The following GRM8 variants were observed in gnomAD, a reference collection of about 807,000 sequenced individuals.
The protein encoded by GRM8 is metabotropic glutamate receptor 8.
A neutral mutation model predicts 87.2 loss-of-function variants in GRM8; 47 were observed. That is an observed-to-expected ratio of 0.54 (90% CI 0.43 to 0.69). The LOEUF (loss-of-function observed/expected upper bound fraction) is 0.69. Ranked by LOEUF, GRM8 falls within the 30% of genes least tolerant of loss-of-function variation. GRM8 has a pLI of 0.00. For missense variants in GRM8, 1,019 were observed against 1,139.2 expected (o/e 0.89, Z 1.52); for synonymous variants, 396 against 404.5 (o/e 0.98, Z 0.25).
intron 6 of GRM8, among the ~76,000 whole-genome samples, chr7:126,799,175 G>T (rs1237430415): frequency 2.0e-5 from 3 of 152,044 alleles, no homozygotes; most frequent in African/African-American, 7.2e-5. Context: ...TAGAAATGCA[G>T]ATTCTCAGGG....
chr7:127,083,995 T>C (rs1287144393), intron 3 of GRM8, among the ~76,000 whole-genome samples: 3 of 152,200 alleles, frequency 2.0e-5, no homozygotes, highest in Non-Finnish European at 2.9e-5. Context: ...AAGTACTTCA[T>C]ACATGTATTG....
At chr7:126,903,646 G>GTATATGTGTATATATAT (rs1563300321) in intron 5 of GRM8, among the ~76,000 whole-genome samples, 2 of 80,008 alleles carry the variant, frequency 2.5e-5, no homozygotes, top group African/African-American at 1.0e-4. Context: ...TATATATATA[G>GTATATGTGTATATATAT]GTATATGTGT....
intron 3 of GRM8, among the ~76,000 whole-genome samples, chr7:127,053,414 A>T (rs2132511038): frequency 6.6e-6 from 1 of 152,348 alleles, no homozygotes; most frequent in Non-Finnish European, 1.5e-5. Context: ...CATTAATGAG[A>T]TGCAAGCTAG....
rs567737578 is a variant in GRM8 at position 126,842,031 on chromosome 7, T to C, written c.1156+60511A>G. Among the ~76,000 whole-genome samples, 16 of 152,200 alleles carry C rather than the reference T, an allele frequency of 1.1e-4. No individual in the cohort carries two copies. In the South Asian group the frequency reaches 3.3e-3, roughly 32 times the overall value. ...ACCTACATTGGCAGAAAAAGTTAGA[T>C]ATGATCAATAAATTGTTAAACCATT... On this transcript the variant is annotated intron_variant, in intron 6 of 10. Coordinates refer to ENST00000339582, the MANE Select transcript of GRM8 (RefSeq NM_000845.3).
At chr7:126,461,224 T>G (rs2283063) in intron 9 of GRM8, among the ~76,000 whole-genome samples, 1 of 151,140 alleles carries the variant, frequency 6.6e-6, no homozygotes, top group Admixed American at 6.6e-5. Context: ...ATCACCAGTC[T>G]GCTCCCAAAG....
chr7:127,155,256 C>T (rs986716358), intron 2 of GRM8, among the ~76,000 whole-genome samples: 12 of 152,110 alleles, frequency 7.9e-5, no homozygotes, highest in African/African-American at 2.7e-4. Context: ...AGCTGGAGCA[C>T]CGAGCAAGAT....
chr7:126,917,096 C>T (rs905895825), intron 3 of GRM8, among the ~76,000 whole-genome samples: 1 of 152,170 alleles, frequency 6.6e-6, no homozygotes, highest in Non-Finnish European at 1.5e-5. Context: ...CTATCCTGGC[C>T]TCCCAAGTAG....
rs534635078 is a variant in GRM8 at position 127,179,803 on chromosome 7, G to A, written c.510+62892C>T. On this transcript the variant is annotated intron_variant, in intron 2 of 10. Transcript: ENST00000339582. ...AATTAAAAAATTATTCAAACTGAAT[G>A]ACAATAATGATACAACCTATCAAAA... Among the ~76,000 whole-genome samples the A allele has an allele frequency of 3.9e-5, 6 of 152,188 alleles. No homozygotes were observed. The South Asian group carries it at 1.2e-3, about 32-fold the overall frequency.
At chr7:127,088,875 T>C (rs890659165) in intron 3 of GRM8, among the ~76,000 whole-genome samples, 1 of 152,228 alleles carries the variant, frequency 6.6e-6, no homozygotes, top group African/African-American at 2.4e-5. Context: ...GAATAGCACC[T>C]TCCCCAGGCC....
rs1186617181 is a variant in GRM8, at chr7:126,533,212, C to T, written c.2170G>A (p.Asp724Asn). The change falls in exon 9 of 11, where the codon GAC (aspartate) becomes AAC (asparagine). Residue 724 changes from aspartate (D) to asparagine (N), a missense_variant. By Grantham distance (23) the Asp-to-Asn change is conservative. Coordinates refer to ENST00000339582, the MANE Select transcript of GRM8 (RefSeq NM_000845.3). ...TCTAGTGTCCGCTGCTCTCCATAGT[C>T]AATGATGATGTGGGGGGGATCCACA... is the stretch of plus-strand genomic sequence containing the variant. ...FVVDPPHIII[D>N]YGEQRTLDPE... is the part of the protein sequence containing the mutation. 6.2e-7 allele frequency: 1 copy of T among 1,612,962 alleles called. No homozygotes were observed. The highest frequency in any genetic ancestry group is 8.5e-7 in the Non-Finnish European group (1 of 1,179,718).
chr7:126,665,916 A>G (rs1009283364), intron 7 of GRM8, among the ~76,000 whole-genome samples: 5 of 152,056 alleles, frequency 3.3e-5, no homozygotes, highest in South Asian at 4.2e-4. Flanking sequence ...TATCAAACAG[A>G]TTTTTGTGAT....
intron 7 of GRM8, among the ~76,000 whole-genome samples, chr7:126,634,365 T>C (rs979234567): frequency 2.0e-5 from 3 of 152,154 alleles, no homozygotes; most frequent in African/African-American, 7.2e-5. Flanking sequence ...CCCCACCTTG[T>C]GAATTTCTCT....
chr7:126,831,919 G>C (rs1050742987), intron 6 of GRM8, among the ~76,000 whole-genome samples: 1 of 152,120 alleles, frequency 6.6e-6, no homozygotes, highest in African/African-American at 2.4e-5. Flanking sequence ...TGTTAAGCTT[G>C]TTTTCTGTTT....
chr7:126,803,484 CAA>C (rs1299380811), intron 6 of GRM8, among the ~76,000 whole-genome samples: 1 of 152,002 alleles, frequency 6.6e-6, no homozygotes, highest in Non-Finnish European at 1.5e-5. Flanking sequence ...AAATATAAAT[CAA>C]AGTCAAAAAA....
chr7:127,209,620 G>A (rs1796103541), intron 2 of GRM8, among the ~76,000 whole-genome samples: 2 of 152,062 alleles, frequency 1.3e-5, no homozygotes, highest in African/African-American at 4.8e-5. Context: ...GCGGGGAAAA[G>A]GGGCAGGGTC....
intron 2 of GRM8, among the ~76,000 whole-genome samples, chr7:127,145,829 T>C (rs1828525448): frequency 6.6e-6 from 1 of 152,136 alleles, no homozygotes; most frequent in African/African-American, 2.4e-5. Flanking sequence ...TTGTTTTCTA[T>C]ATTGCATGCA....
intron 3 of GRM8, among the ~76,000 whole-genome samples, chr7:127,020,299 T>G (rs944278486): frequency 6.6e-6 from 1 of 152,118 alleles, no homozygotes; most frequent in Non-Finnish European, 1.5e-5. Context: ...GGCACAGCCC[T>G]GAGCAGAGAG....
At chr7:126,582,852 A>G (rs1414529563) in intron 8 of GRM8, among the ~76,000 whole-genome samples, 15 of 152,172 alleles carry the variant, frequency 9.9e-5, no homozygotes. Context: ...GGTTTACTGA[A>G]TATTTTAAAC....
At chr7:126,856,860 T>C (rs1037788316) in intron 6 of GRM8, among the ~76,000 whole-genome samples, 20 of 152,230 alleles carry the variant, frequency 1.3e-4, no homozygotes, top group Non-Finnish European at 1.6e-4. Context: ...TCTTTCCTTC[T>C]GCCCTGTAGG....
Sources: allele counts gnomAD v4.1 joint callset (sites outside exome capture counted in the v4.1 genomes callset), GRCh38; gene constraint gnomAD v4.1.1; transcripts MANE v1.5; gene names NCBI Gene and HGNC (gene_info 2026-07-23, HGNC 2026-07-21).